NLGN4X: variants seen among roughly 807,000 people sequenced by gnomAD.
NLGN4X encodes the protein neuroligin 4 X-linked.
In NLGN4X, 3 loss-of-function variants were observed where a neutral mutation model predicts 40.3. The observed-to-expected ratio is 0.07, with a 90% CI of 0.03 to 0.19. The LOEUF (loss-of-function observed/expected upper bound fraction) is 0.19, where lower values mean the gene tolerates loss of function less well. Among genes scored for constraint, NLGN4X ranks in the 10% least tolerant of loss-of-function variants. NLGN4X has a pLI of 1.00. For missense variants in NLGN4X, 382 were observed against 708.3 expected (o/e 0.54, Z 5.23); for synonymous variants, 270 against 306.8 (o/e 0.88, Z 1.25).
chrX:6,089,128 TTAAAC>T (rs1465489653), intron 2 of NLGN4X, among the ~76,000 whole-genome samples: 1 of 112,006 alleles, frequency 8.9e-6, no homozygotes, highest in African/African-American at 3.2e-5. Flanking sequence ...AAACATATCG[TTAAAC>T]TAAATTTCTA....
intron 2 of NLGN4X, among the ~76,000 whole-genome samples, chrX:6,095,226 T>C (rs921708162): frequency 5.5e-5 from 6 of 108,783 alleles, no homozygotes; most frequent in African/African-American, 1.7e-4. Flanking sequence ...TCAGATTGCA[T>C]GCTATTTAAT....
intron 1 of NLGN4X, among the ~76,000 whole-genome samples, chrX:6,214,888 T>C (rs990437824): frequency 2.7e-5 from 3 of 111,643 alleles, no homozygotes. Context: ...CTTCAAAAAA[T>C]GTAAAAATGC....
At chrX:6,221,760 C>G (rs1478747742) in intron 1 of NLGN4X, among the ~76,000 whole-genome samples, 1 of 110,765 alleles carries the variant, frequency 9.0e-6, no homozygotes, top group Non-Finnish European at 1.9e-5. Context: ...CCCCCATCCC[C>G]CATGCTTTTG....
At chrX:6,125,899 G>A (rs1171585706) in intron 2 of NLGN4X, among the ~76,000 whole-genome samples, 1 of 111,294 alleles carries the variant, frequency 9.0e-6, no homozygotes, top group Non-Finnish European at 1.9e-5. Context: ...GACAACCTAA[G>A]TGGAATATTT....
chrX:5,900,219 C>A (rs2031764364), intron 5 of NLGN4X, among the ~76,000 whole-genome samples: 7 of 112,374 alleles, frequency 6.2e-5, no homozygotes, highest in Admixed American at 5.6e-4. Context: ...AATAGGGTAA[C>A]TGCAGATATG....
chrX:6,061,247 C>A (rs1168652591), intron 2 of NLGN4X, among the ~76,000 whole-genome samples: 1 of 111,452 alleles, frequency 9.0e-6, no homozygotes. Flanking sequence ...GAACTTTGAA[C>A]ATGAGCGAGA....
At chrX:6,103,560 A>C (rs750760477) in intron 2 of NLGN4X, among the ~76,000 whole-genome samples, 261 of 112,155 alleles carry the variant, frequency 2.3e-3, no homozygotes, top group African/African-American at 7.8e-3. Context: ...AACATCTGCG[A>C]AATTTTACTG....
At chrX:5,953,548 T>C (rs958636568) in intron 3 of NLGN4X, among the ~76,000 whole-genome samples, 1 of 111,965 alleles carries the variant, frequency 8.9e-6, no homozygotes. Context: ...TTACACATTG[T>C]ATGCCTGTAG....
At position 6,116,036 on chromosome X, in the gene NLGN4X, G is replaced by C. The variant is rs746691507; in HGVS notation, c.472+34959C>G. ...AGGCTGGGCGCGGTGGCTCATGTCT[G>C]TAATCCCAGCACTTTGGGAGGCCAA... On this transcript the variant is annotated intron_variant, in intron 2 of 5. Coordinates refer to ENST00000381095, the MANE Select transcript of NLGN4X (RefSeq NM_181332.3). 2.7e-5 allele frequency among the ~76,000 whole-genome samples: 3 copies of C among 109,774 alleles called. No homozygotes were observed. The Admixed American group carries it at 2.9e-4, about 11-fold the overall frequency.
Position 5,903,669 on chromosome X carries a change from G to T in NLGN4X, c.1009C>A (p.His337Asn). The change falls in exon 5 of 6, where the codon CAC becomes AAC. Residue 337 changes from histidine (H) to asparagine (N), a missense_variant. By Grantham distance (68) the His-to-Asn change is moderately conservative. This residue lies in a region of NLGN4X where 149 missense variants were observed against 375.8 expected (regional missense o/e 0.40). Transcript: ENST00000381095. The stretch of plus-strand genomic sequence containing the variant: ...TCGATCACCGGCCCGAAGGCTATGT[G>T]GTAGGTGGCCGGGGTGATGGTCTGC... ...IQQTITPATYHIAFGPVIDGD... is the reference protein window; with the variant it reads ...IQQTITPATYNIAFGPVIDGD... 8.3e-7 allele frequency: 1 copy of T among 1,212,081 alleles called. No individual in the cohort carries two copies. The highest frequency in any genetic ancestry group is 1.1e-6 in the Non-Finnish European group (1 of 895,642).
At chrX:5,949,171 C>T (rs1397463117) in intron 3 of NLGN4X, among the ~76,000 whole-genome samples, 2 of 111,914 alleles carry the variant, frequency 1.8e-5, no homozygotes, top group African/African-American at 6.5e-5. Context: ...GAGGCCAGCA[C>T]AAGATGCAAA....
chrX:6,040,015 G>A (rs138361086), intron 2 of NLGN4X, among the ~76,000 whole-genome samples: 7 of 111,770 alleles, frequency 6.3e-5, no homozygotes, highest in East Asian at 2.8e-4. Context: ...GTAGCTTACC[G>A]CAGCCTCCAA....
At chrX:5,920,420 G>A (rs920154986) in intron 3 of NLGN4X, among the ~76,000 whole-genome samples, 4 of 112,151 alleles carry the variant, frequency 3.6e-5, no homozygotes, top group Non-Finnish European at 7.5e-5. Context: ...AGCCACTGGT[G>A]GACAGGACTG....
At chrX:6,038,955 G>C (rs1453121505) in intron 2 of NLGN4X, among the ~76,000 whole-genome samples, 1 of 110,455 alleles carries the variant, frequency 9.1e-6, no homozygotes, top group Non-Finnish European at 1.9e-5. Flanking sequence ...ATTTTGAAAA[G>C]ACATCTGCCA....
chrX:5,919,201 T>G (rs2032929551), intron 3 of NLGN4X, among the ~76,000 whole-genome samples: 1 of 109,856 alleles, frequency 9.1e-6, no homozygotes, highest in African/African-American at 3.4e-5. Context: ...CAAACCTTTA[T>G]AGGCTCCAAC....
chrX:6,004,859 C>T (rs2036062748), intron 3 of NLGN4X, among the ~76,000 whole-genome samples: 1 of 111,648 alleles, frequency 9.0e-6, no homozygotes, highest in African/African-American at 3.3e-5. Flanking sequence ...CAGACTGTAA[C>T]GTTTCACGTT....
chrX:5,944,724 G>A (rs1190682245), intron 3 of NLGN4X, among the ~76,000 whole-genome samples: 1 of 109,379 alleles, frequency 9.1e-6, no homozygotes, highest in African/African-American at 3.3e-5. Context: ...AACCTCTCTG[G>A]TCTGAAAGAA....
chrX:6,149,962 A>T (rs1287279443), intron 2 of NLGN4X, among the ~76,000 whole-genome samples: 13 of 97,397 alleles, frequency 1.3e-4, no homozygotes, highest in African/African-American at 3.1e-4. Context: ...ATTGAAGTTT[A>T]AAAAAAAAAA....
chrX:6,211,119 C>CT (rs774584611), intron 1 of NLGN4X, among the ~76,000 whole-genome samples: 4 of 112,038 alleles, frequency 3.6e-5, no homozygotes, highest in African/African-American at 6.5e-5. Context: ...TCTTCTCTGC[C>CT]TTTTTTTATC....
Sources: allele counts gnomAD v4.1 joint callset (sites outside exome capture counted in the v4.1 genomes callset), GRCh38; gene constraint gnomAD v4.1.1; regional missense constraint gnomAD v4.1.1; transcripts MANE v1.5; gene names NCBI Gene and HGNC (gene_info 2026-07-23, HGNC 2026-07-21).